The following CAPRIN1 variants were observed in gnomAD, a reference collection of about 807,000 sequenced individuals.
CAPRIN1 encodes the protein cell cycle associated protein 1, also known as caprin-1.
CAPRIN1 carries 29 observed loss-of-function variants against 100.9 expected under a neutral mutation model. That is an observed-to-expected ratio of 0.29 (90% CI 0.21 to 0.39). The LOEUF is 0.39. Ranked by LOEUF, CAPRIN1 falls within the 10% of genes least tolerant of loss-of-function variation. The pLI, the probability that CAPRIN1 is intolerant of heterozygous loss-of-function variation, is 1.00. For synonymous variants in CAPRIN1, 338 were observed against 307.5 expected (o/e 1.10, Z -1.04); for missense variants, 795 against 876.7 (o/e 0.91, Z 1.18).
chr11:34,100,200 T>C lies in CAPRIN1; in HGVS notation c.*833T>C, dbSNP rs1316759796. 3.9e-5 allele frequency: 6 copies of C among 152,184 alleles called. No homozygotes were observed. Among genetic ancestry groups the C allele is most frequent in the Admixed American group, 6.5e-5 (1 of 15,282 alleles). 9.4% of individuals were successfully genotyped at this position (152,184 alleles called of 1,614,324 possible). A position where few individuals can be genotyped will look rare whatever the true frequency, so the allele number is the denominator to read the frequency against. On this transcript the variant is annotated 3_prime_UTR_variant, in exon 19 of 19. Coordinates refer to ENST00000341394, the MANE Select transcript of CAPRIN1 (RefSeq NM_005898.5). ...GATTGGTACTATCTATCATTCCTTA[T>C]GACATGTACATTGTCTGTCACTAAT...
chr11:34,079,959 T>C (rs1018433896), intron 7 of CAPRIN1, among the ~76,000 whole-genome samples, 194 bp downstream of exon 7: 7 of 148,808 alleles, frequency 4.7e-5, no homozygotes, highest in Non-Finnish European at 1.0e-4. Context: ...AGTCTCGCTC[T>C]GTTGCCCAGG....
intron 14 of CAPRIN1, among the ~76,000 whole-genome samples, chr11:34,090,960 A>G (rs1851252396): frequency 6.6e-6 from 1 of 152,206 alleles, no homozygotes; most frequent in Non-Finnish European, 1.5e-5. Context: ...ATTCAGAGAA[A>G]TAGACTAATA....
At chr11:34,093,232 G>A (rs2084076574) in intron 15 of CAPRIN1, among the ~76,000 whole-genome samples, 5 of 149,346 alleles carry the variant, frequency 3.3e-5, no homozygotes, top group Admixed American at 6.8e-5. Context: ...GTCTCTGTCT[G>A]TTGCCCAGGT....
Position 34,052,528 on chromosome 11 carries a change from G to T in CAPRIN1, c.108G>T (p.Ala36=), listed in dbSNP as rs1339928864. 5.6e-6 allele frequency: 9 copies of T among 1,605,272 alleles called. No individual in the cohort carries two copies. The highest frequency in any genetic ancestry group is 7.6e-6 in the Non-Finnish European group (9 of 1,176,518). ...CGGCCGCGGGAGCCGGGGCCGCCGC[G>T]CCGGCTTCTCAGCACCCCGCAACCG... The part of the protein sequence containing the change: ...SEAAAGAGAA[A]PASQHPATGT... The change falls in exon 2 of 19, where the codon GCG becomes GCT. Residue 36 remains alanine (A), a synonymous_variant. Coordinates refer to ENST00000341394, the MANE Select transcript of CAPRIN1 (RefSeq NM_005898.5).
intron 2 of CAPRIN1, among the ~76,000 whole-genome samples, chr11:34,062,481 C>A (rs182835531): frequency 6.6e-6 from 1 of 151,882 alleles, no homozygotes; most frequent in Non-Finnish European, 1.5e-5. Flanking sequence ...AAAAATTAGC[C>A]GGGCGTGGTG....
In CAPRIN1 at chr11:34,100,453, C is replaced by T. The variant is rs1851437288; in HGVS notation, c.*1086C>T. The T allele has an allele frequency of 6.6e-6, 1 of 152,112 alleles. No individual in the cohort carries two copies. The highest frequency in any genetic ancestry group is 2.4e-5 in the African/African-American group (1 of 41,432). 9.4% of individuals were successfully genotyped at this position (152,112 alleles called of 1,614,324 possible). ...TTCCCTGTTTCAGGGAAATCACGGACAGTAGTTTCAGTTCTGATGGTATAA... is the reference window on the plus strand; with the variant it reads ...TTCCCTGTTTCAGGGAAATCACGGATAGTAGTTTCAGTTCTGATGGTATAA... On this transcript the variant is annotated 3_prime_UTR_variant, in exon 19 of 19. Coordinates refer to ENST00000341394, the MANE Select transcript of CAPRIN1 (RefSeq NM_005898.5).
At chr11:34,098,653 C>T (rs1851406727) in intron 18 of CAPRIN1, 1 of 985,280 alleles carries the variant, frequency 1.0e-6, no homozygotes, top group Non-Finnish European at 1.2e-6. Context: ...TTGGGAATTA[C>T]TGACTTGACT....
chr11:34,059,911 G>C (rs1272845402), intron 2 of CAPRIN1, among the ~76,000 whole-genome samples: 1 of 140,116 alleles, frequency 7.1e-6, no homozygotes, highest in Non-Finnish European at 1.5e-5. Context: ...AAGCTGGGTA[G>C]CAGGCTGGGC....
intron 2 of CAPRIN1, 108 bp downstream of exon 2, chr11:34,052,744 A>G (rs1850352741): frequency 7.0e-7 from 1 of 1,423,738 alleles, no homozygotes; most frequent in Non-Finnish European, 9.5e-7. Flanking sequence ...GAGCGTTACT[A>G]GGTCCCCTCC....
intron 7 of CAPRIN1, among the ~76,000 whole-genome samples, chr11:34,082,615 G>GT (rs1290671340): frequency 6.6e-6 from 1 of 152,152 alleles, no homozygotes; most frequent in African/African-American, 2.4e-5. Flanking sequence ...CCCAACCAGA[G>GT]TGGTACATTT....
chr11:34,055,650 A>G (rs1850434862), intron 2 of CAPRIN1: 1 of 152,194 alleles, frequency 6.6e-6, no homozygotes, highest in Non-Finnish European at 1.5e-5. Context: ...TAAAGGAGAA[A>G]ATAATGTAAT....
chr11:34,069,732 G>T (rs1203786309), intron 2 of CAPRIN1, among the ~76,000 whole-genome samples: 2 of 151,850 alleles, frequency 1.3e-5, no homozygotes, highest in African/African-American at 2.4e-5. Flanking sequence ...GTGTGAAATA[G>T]TTCATCTAAT....
chr11:34,070,121 T>C (rs77105832), intron 2 of CAPRIN1, among the ~76,000 whole-genome samples: 1 of 204 alleles, frequency 4.9e-3, no homozygotes, highest in African/African-American at 0.021. Context: ...ACTGTCCTCT[T>C]GACCTTTACA....
chr11:34,084,511 G>A (rs948297196), intron 9 of CAPRIN1, among the ~76,000 whole-genome samples: 1 of 152,180 alleles, frequency 6.6e-6, no homozygotes, highest in African/African-American at 2.4e-5. Flanking sequence ...TATACCAGGG[G>A]CATTGGTTTT....
chr11:34,079,946 C>CA (rs1374039153), intron 7 of CAPRIN1, among the ~76,000 whole-genome samples, 181 bp downstream of exon 7: 1 of 114,008 alleles, frequency 8.8e-6, no homozygotes, highest in Non-Finnish European at 1.7e-5. Context: ...TTTTTGGAGA[C>CA]AGAGTCTCGC....
chr11:34,072,753 T>C (rs1317639301), intron 4 of CAPRIN1, among the ~76,000 whole-genome samples: 1 of 152,222 alleles, frequency 6.6e-6, no homozygotes, highest in Non-Finnish European at 1.5e-5. Context: ...GTCATCTTCT[T>C]TGGAGAAGAC....
intron 7 of CAPRIN1, among the ~76,000 whole-genome samples, chr11:34,081,364 A>G (rs1462751324): frequency 1.3e-5 from 2 of 151,690 alleles, no homozygotes; most frequent in Non-Finnish European, 2.9e-5. Flanking sequence ...ACACCAGGCT[A>G]ATTTTTGTAT....
Position 34,076,316 on chromosome 11 carries a change from A to G in CAPRIN1, c.447A>G (p.Val149=), listed in dbSNP as rs1463400469. 6.2e-7 allele frequency: 1 copy of G among 1,614,220 alleles called. No individual in the cohort carries two copies. The highest frequency in any genetic ancestry group is 1.7e-5 in the Admixed American group (1 of 60,026). ...CTGAACAGAAACGTTTAAAAACTGT[A>G]CTTGAGCTACAGTATGTTTTGGACA... ...EEAEQKRLKT[V]LELQYVLDKL... Residue 149 remains valine (V), a synonymous_variant, in exon 5 of 19, where the codon GTA becomes GTG. Transcript: ENST00000341394.
chr11:34,089,529 G>A (rs1378762300), intron 12 of CAPRIN1, 73 bp downstream of exon 12: 20 of 825,940 alleles, frequency 2.4e-5, no homozygotes, highest in Non-Finnish European at 8.1e-6. Context: ...TACTTTAGGA[G>A]GCTGAGATGG....
Sources: gnomAD v4.1 joint callset for allele counts (sites outside exome capture counted in the v4.1 genomes callset) on GRCh38, gnomAD v4.1.1 for gene constraint, MANE v1.5 for transcripts, NCBI Gene and HGNC (gene_info 2026-07-23, HGNC 2026-07-21) for gene names.